Variants in METTL24 observed in about 807,000 individuals in gnomAD.
The protein encoded by METTL24 is probable methyltransferase-like protein 24.
In METTL24, 29 loss-of-function variants were observed where a neutral mutation model predicts 32.7. The ratio of observed to expected loss-of-function variants is 0.89; its 90% CI spans 0.66 to 1.21. The LOEUF is 1.21. Among genes scored for constraint, METTL24 ranks in the 50% most tolerant of loss-of-function variants. METTL24 has a pLI of 0.00. For synonymous variants in METTL24, 163 were observed against 179.5 expected, an observed-to-expected ratio of 0.91 and a Z score of 0.73; for missense variants, 439 against 468.1, an observed-to-expected ratio of 0.94 and a Z score of 0.57.
chr6:110,316,737 A>AAT (rs1339638481), intron 2 of METTL24, among the ~76,000 whole-genome samples: 2 of 152,146 alleles, frequency 1.3e-5, no homozygotes, highest in African/African-American at 4.8e-5. Flanking sequence ...CTCTACAAAA[A>AAT]ATATAAACAT....
At chr6:110,337,240 A>G (rs1772255347) in intron 1 of METTL24, among the ~76,000 whole-genome samples, 1 of 152,192 alleles carries the variant, frequency 6.6e-6, no homozygotes, top group Non-Finnish European at 1.5e-5. Context: ...ATAGGCACAA[A>G]GGAGGGAAGA....
chr6:110,335,407 T>C (rs1772198285), intron 1 of METTL24, among the ~76,000 whole-genome samples: 1 of 152,156 alleles, frequency 6.6e-6, no homozygotes. Context: ...ATATATTTCT[T>C]AATTGTATGA....
chr6:110,274,335 C>T (rs1562222519), intron 4 of METTL24, among the ~76,000 whole-genome samples: 2 of 152,242 alleles, frequency 1.3e-5, no homozygotes, highest in Non-Finnish European at 1.5e-5. Flanking sequence ...TCAGGTGATC[C>T]GCTTGCCTCG....
chr6:110,319,363 T>C (rs1771887380), intron 2 of METTL24, among the ~76,000 whole-genome samples: 1 of 152,104 alleles, frequency 6.6e-6, no homozygotes, highest in South Asian at 2.1e-4. Context: ...TGGGTTCTTA[T>C]TCTTAGGTTA....
chr6:110,278,656 A>AT (rs1342694483), intron 4 of METTL24, among the ~76,000 whole-genome samples: 1 of 152,148 alleles, frequency 6.6e-6, no homozygotes, highest in East Asian at 1.9e-4. Context: ...TGCTAAAATA[A>AT]TTTTTTCTCC....
intron 4 of METTL24, among the ~76,000 whole-genome samples, chr6:110,248,892 G>C (rs1362671641): frequency 6.6e-6 from 1 of 152,002 alleles, no homozygotes; most frequent in Non-Finnish European, 1.5e-5. Flanking sequence ...CCTGAATTAA[G>C]GGGAATTAAG....
At chr6:110,270,829 T>A (rs1235825957) in intron 4 of METTL24, among the ~76,000 whole-genome samples, 2 of 149,152 alleles carry the variant, frequency 1.3e-5, no homozygotes, top group African/African-American at 5.0e-5. Flanking sequence ...AACAGCACCA[T>A]CTTGATTCTT....
intron 4 of METTL24, among the ~76,000 whole-genome samples, chr6:110,298,419 T>G (rs937948207): frequency 6.6e-6 from 1 of 152,240 alleles, no homozygotes; most frequent in Admixed American, 6.5e-5. Context: ...GTCCATTCAA[T>G]TTTATAAAGT....
chr6:110,312,547 C>T (rs1771742608), intron 3 of METTL24, among the ~76,000 whole-genome samples: 1 of 152,196 alleles, frequency 6.6e-6, no homozygotes, highest in African/African-American at 2.4e-5. Context: ...TCATTTGCAG[C>T]AACATGTTTG....
chr6:110,318,679 A>G (rs1771874111), intron 2 of METTL24, among the ~76,000 whole-genome samples: 1 of 151,644 alleles, frequency 6.6e-6, no homozygotes, highest in South Asian at 2.1e-4. Context: ...AGAAAGAAAG[A>G]AAGAAAAGAA....
chr6:110,246,624 A>AACAG (rs1336316422), intron 4 of METTL24, among the ~76,000 whole-genome samples: 2 of 152,216 alleles, frequency 1.3e-5, no homozygotes, highest in African/African-American at 4.8e-5. Flanking sequence ...CAAAAATCAC[A>AACAG]ACAGACCCTC....
intron 4 of METTL24, among the ~76,000 whole-genome samples, chr6:110,276,057 A>G (rs896273687): frequency 6.6e-6 from 1 of 152,150 alleles, no homozygotes; most frequent in Admixed American, 6.5e-5. Context: ...CAAGCCATAC[A>G]CCAACATTTC....
chr6:110,281,695 G>A (rs1453113214), intron 4 of METTL24, among the ~76,000 whole-genome samples: 1 of 151,472 alleles, frequency 6.6e-6, no homozygotes, highest in East Asian at 1.9e-4. Context: ...CAAAGACAGA[G>A]GTGTGCAGCA....
At chr6:110,341,767 T>C (rs781549510) in intron 1 of METTL24, among the ~76,000 whole-genome samples, 1 of 152,206 alleles carries the variant, frequency 6.6e-6, no homozygotes, top group Non-Finnish European at 1.5e-5. Context: ...CTCAATCCAG[T>C]AATTTAACCA....
At chr6:110,341,625 A>C (rs1012183666) in intron 1 of METTL24, among the ~76,000 whole-genome samples, 1 of 152,244 alleles carries the variant, frequency 6.6e-6, no homozygotes, top group Non-Finnish European at 1.5e-5. Flanking sequence ...AAGCCTTAAT[A>C]TCAAACCTAA....
chr6:110,300,670 G>A (rs886766682), intron 3 of METTL24, among the ~76,000 whole-genome samples: 1 of 151,932 alleles, frequency 6.6e-6, no homozygotes, highest in South Asian at 2.1e-4. Flanking sequence ...ATCCACCCTC[G>A]TTGGCCTCCC....
intron 4 of METTL24, among the ~76,000 whole-genome samples, chr6:110,292,187 G>A (rs1562227589): frequency 6.6e-6 from 1 of 152,162 alleles, no homozygotes; most frequent in Non-Finnish European, 1.5e-5. Flanking sequence ...TACAAACAAT[G>A]CTGCAAAAAA....
At chr6:110,310,806 G>C (rs1771707774) in intron 3 of METTL24, among the ~76,000 whole-genome samples, 1 of 152,190 alleles carries the variant, frequency 6.6e-6, no homozygotes, top group Non-Finnish European at 1.5e-5. Context: ...GTGGAGGAAA[G>C]GAGATGAGAC....
chr6:110,282,738 C>A (rs969134266), intron 4 of METTL24, among the ~76,000 whole-genome samples: 2 of 151,186 alleles, frequency 1.3e-5, no homozygotes, highest in Admixed American at 1.3e-4. Flanking sequence ...TTCAGACCAA[C>A]AACTGATCCC....
Sources: allele counts gnomAD v4.1 joint callset (sites outside exome capture counted in the v4.1 genomes callset), GRCh38; gene constraint gnomAD v4.1.1; transcripts MANE v1.5; gene names NCBI Gene and HGNC (gene_info 2026-07-23, HGNC 2026-07-21).